SOX6: variants seen among roughly 807,000 people sequenced by gnomAD.
The protein encoded by SOX6 is transcription factor SOX-6.
SOX6 carries 11 observed loss-of-function variants against 97.8 expected under a neutral mutation model. The ratio of observed to expected loss-of-function variants is 0.11; its 90% confidence interval spans 0.07 to 0.19. SOX6 has a LOEUF of 0.19. Among genes scored for constraint, SOX6 ranks in the 10% least tolerant of loss-of-function variants. The probability of loss-of-function intolerance (pLI) is 1.00; values close to 1 mark genes in which losing one functional copy is unlikely to be tolerated. For missense variants in SOX6, 810 were observed against 1,039.5 expected (o/e 0.78, Z 3.04); for synonymous variants, 360 against 371.4 (o/e 0.97, Z 0.35).
intron 5 of SOX6, among the ~76,000 whole-genome samples, chr11:16,184,196 A>G (rs767877754): frequency 6.6e-6 from 1 of 152,148 alleles, no homozygotes; most frequent in Non-Finnish European, 1.5e-5. Flanking sequence ...CTATTCACCT[A>G]TATCTGCACT....
chr11:16,376,116 G>A (rs769357599), intron 1 of SOX6, among the ~76,000 whole-genome samples: 9 of 151,988 alleles, frequency 5.9e-5, no homozygotes, highest in Middle Eastern at 3.2e-3. Flanking sequence ...ACCATGGCAT[G>A]TGTATACCTA....
chr11:16,480,377 C>G, upstream of SOX6, among the ~76,000 whole-genome samples: 1 of 151,508 alleles, frequency 6.6e-6, no homozygotes, highest in East Asian at 1.9e-4. Flanking sequence ...AGTCTGGGAG[C>G]AAAAGCCAAA....
intron 11 of SOX6, among the ~76,000 whole-genome samples, chr11:16,049,206 T>C (rs1416146819): frequency 1.3e-5 from 2 of 152,124 alleles, no homozygotes; most frequent in Non-Finnish European, 2.9e-5. Flanking sequence ...ACTTTTCACA[T>C]AGGGCTATGA....
chr11:16,097,500 T>C (rs1848830037), intron 8 of SOX6, 109 bp downstream of exon 8: 2 of 929,858 alleles, frequency 2.2e-6, no homozygotes, highest in Non-Finnish European at 3.4e-6. Flanking sequence ...TTCTGGGCTA[T>C]GCTTAAAAAA....
intron 3 of SOX6, among the ~76,000 whole-genome samples, chr11:16,618,364 G>A (rs936101273): frequency 2.0e-5 from 3 of 151,788 alleles, no homozygotes; most frequent in African/African-American, 7.2e-5. Context: ...TATAGCCCAT[G>A]TTGCCAATAA....
intron 9 of SOX6, among the ~76,000 whole-genome samples, chr11:16,067,758 A>C (rs1848127850): frequency 6.6e-6 from 1 of 152,188 alleles, no homozygotes; most frequent in Non-Finnish European, 1.5e-5. Flanking sequence ...GCATGTCCAT[A>C]TCCAAACATT....
At chr11:16,003,491 T>C (rs190304843) in intron 13 of SOX6, among the ~76,000 whole-genome samples, 1 of 152,226 alleles carries the variant, frequency 6.6e-6, no homozygotes, top group East Asian at 1.9e-4. Flanking sequence ...ACCAGTTTTA[T>C]GTACTTACTT....
At chr11:16,476,337 C>T (rs1247723657) in exon 1 of SOX6, 1 of 152,296 alleles carries the variant, frequency 6.6e-6, no homozygotes, top group Non-Finnish European at 1.5e-5. Context: ...AAAATATCAG[C>T]CCCAGCACCC....
chr11:16,183,662 A>G (rs1851399022), intron 6 of SOX6, among the ~76,000 whole-genome samples: 1 of 152,044 alleles, frequency 6.6e-6, no homozygotes, highest in South Asian at 2.1e-4. Flanking sequence ...AAAAGAAAAA[A>G]GATAAGGGTT....
chr11:16,520,185 G>C (rs1195418801), intron 4 of SOX6, among the ~76,000 whole-genome samples: 1 of 152,126 alleles, frequency 6.6e-6, no homozygotes, highest in Non-Finnish European at 1.5e-5. Flanking sequence ...TTGCTGTATA[G>C]AAGCTCTTTA....
At chr11:16,214,131 T>A (rs1182213203) in intron 4 of SOX6, among the ~76,000 whole-genome samples, 1 of 152,212 alleles carries the variant, frequency 6.6e-6, no homozygotes, top group Non-Finnish European at 1.5e-5. Context: ...GAGGAACTGA[T>A]GTTAATTTTA....
intron 3 of SOX6, among the ~76,000 whole-genome samples, chr11:16,691,733 G>A (rs1848014775): frequency 6.6e-6 from 1 of 152,152 alleles, no homozygotes; most frequent in Admixed American, 6.5e-5. Flanking sequence ...AGAGATGGAG[G>A]TTGCAGTGAG....
intron 12 of SOX6, among the ~76,000 whole-genome samples, chr11:16,030,238 A>G (rs2133884044): frequency 6.6e-6 from 1 of 152,346 alleles, no homozygotes; most frequent in East Asian, 1.9e-4. Flanking sequence ...TTGAATAAAT[A>G]TGATCTATTT....
At chr11:16,112,334 C>A (rs1383336539) in intron 6 of SOX6, among the ~76,000 whole-genome samples, 1 of 152,102 alleles carries the variant, frequency 6.6e-6, no homozygotes, top group Non-Finnish European at 1.5e-5. Flanking sequence ...ATTTAGTATC[C>A]ATGGTCAGAA....
chr11:16,599,559 T>C lies in SOX6; in HGVS notation n.609+12522A>G, dbSNP rs80321999. On this transcript the variant is annotated intron_variant and non_coding_transcript_variant, in intron 4 of 5. Coordinates refer to the SOX6 transcript ENST00000524520. ...ATAGTTTCAATTGATTGTTGTTCAC[T>C]TGAAGTATCATGAAAGAGAATGCCA... Among the ~76,000 whole-genome samples, 655 of 152,318 alleles carry C rather than the reference T, an allele frequency of 4.3e-3. 2 individuals are homozygous for C. Among genetic ancestry groups the C allele is most frequent in the Admixed American group, 7.1e-3 (108 of 15,290 alleles).
At chr11:16,696,289 A>G (rs1848053218) in intron 3 of SOX6, among the ~76,000 whole-genome samples, 1 of 152,228 alleles carries the variant, frequency 6.6e-6, no homozygotes, top group African/African-American at 2.4e-5. Flanking sequence ...TAATTAAGTC[A>G]TTAGATATAT....
chr11:15,989,217 C>A lies in SOX6; in HGVS notation c.1746G>T (p.Met582Ile). 1 of 1,604,070 alleles carries A rather than the reference C, an allele frequency of 6.2e-7. No homozygotes were observed. The highest frequency in any genetic ancestry group is 1.1e-5 in the South Asian group (1 of 90,430). ...RPEDAEGSKAMNGSAAKLQQY... is the reference protein window; with the variant it reads ...RPEDAEGSKAINGSAAKLQQY... ...GCTGTAGTTTAGCTGCAGAGCCATT[C>A]ATTGCTTTACTTCCTGTAATGTCAG... is the stretch of plus-strand genomic sequence containing the variant. Residue 582 changes from methionine (M) to isoleucine (I), a missense_variant, in exon 14 of 16, where the codon ATG (methionine) becomes ATT (isoleucine). Met to Ile is a conservative substitution (Grantham distance 10). Transcript: ENST00000683767.
chr11:16,634,743 G>C (rs1357831698), intron 3 of SOX6, among the ~76,000 whole-genome samples: 1 of 151,794 alleles, frequency 6.6e-6, no homozygotes, highest in Non-Finnish European at 1.5e-5. Flanking sequence ...ATCTCTAATT[G>C]ATATGGTTTG....
chr11:16,719,612 G>A (rs533345151), intron 2 of SOX6, among the ~76,000 whole-genome samples: 1 of 152,292 alleles, frequency 6.6e-6, no homozygotes, highest in South Asian at 2.1e-4. Flanking sequence ...AATATTTGAG[G>A]TGAGTATAAA....
Sources: gnomAD v4.1 joint callset for allele counts (sites outside exome capture counted in the v4.1 genomes callset) on GRCh38, gnomAD v4.1.1 for gene constraint, MANE v1.5 for transcripts, NCBI Gene and HGNC (gene_info 2026-07-23, HGNC 2026-07-21) for gene names.